Variants in ADTRP observed in about 807,000 individuals in gnomAD.
ADTRP encodes androgen dependent TFPI regulating protein.
ADTRP carries 20 observed loss-of-function variants against 27.0 expected under a neutral mutation model. The observed-to-expected ratio is 0.74, with a 90% CI of 0.52 to 1.08. The LOEUF is 1.08. Ranked by LOEUF, ADTRP falls within the 50% of genes least tolerant of loss-of-function variation. The probability of loss-of-function intolerance (pLI) is 0.00; values close to 1 mark genes in which losing one functional copy is unlikely to be tolerated. For missense variants in ADTRP, 251 were observed against 275.0 expected, an observed-to-expected ratio of 0.91 and a Z score of 0.62; for synonymous variants, 101 against 105.2, an observed-to-expected ratio of 0.96 and a Z score of 0.25.
At chr6:11,771,999 G>A (rs1054558295) in intron 1 of ADTRP, among the ~76,000 whole-genome samples, 2 of 152,152 alleles carry the variant, frequency 1.3e-5, no homozygotes, top group Non-Finnish European at 2.9e-5. Context: ...GGCAGCCCTA[G>A]GAAACTATAC....
chr6:11,736,949 C>T (rs544686585), intron 3 of ADTRP, among the ~76,000 whole-genome samples: 2 of 152,214 alleles, frequency 1.3e-5, no homozygotes, highest in Admixed American at 6.5e-5. Flanking sequence ...CCCTGCATCA[C>T]CCCCTCCTTA....
At chr6:11,725,688 C>G (rs992362486) in intron 4 of ADTRP, among the ~76,000 whole-genome samples, 13 of 151,738 alleles carry the variant, frequency 8.6e-5, no homozygotes, top group African/African-American at 2.9e-4. Flanking sequence ...GGGTACACAC[C>G]CAAAAGAACT....
intron 4 of ADTRP, among the ~76,000 whole-genome samples, chr6:11,727,111 T>G (rs1762232987): frequency 6.6e-6 from 1 of 152,192 alleles, no homozygotes; most frequent in Non-Finnish European, 1.5e-5. Flanking sequence ...CAAGCTCCGC[T>G]TCCTGGGTTC....
chr6:11,747,197 A>ACAAAATT (rs1361206098), intron 3 of ADTRP, among the ~76,000 whole-genome samples: 1 of 152,230 alleles, frequency 6.6e-6, no homozygotes, highest in East Asian at 1.9e-4. Flanking sequence ...TCCAAAGGTC[A>ACAAAATT]CAAAATTCCT....
intron 3 of ADTRP, among the ~76,000 whole-genome samples, chr6:11,742,383 A>G (rs1762747273): frequency 6.6e-6 from 1 of 152,184 alleles, no homozygotes; most frequent in Non-Finnish European, 1.5e-5. Context: ...CTTACTAAAA[A>G]AGCCCATTTA....
chr6:11,757,923 T>G (rs556833396), intron 3 of ADTRP, among the ~76,000 whole-genome samples: 1 of 152,326 alleles, frequency 6.6e-6, no homozygotes, highest in African/African-American at 2.4e-5. Context: ...GGTGCTTTAT[T>G]ATGGCAGCCT....
At chr6:11,731,099 G>A (rs770596716) in intron 4 of ADTRP, among the ~76,000 whole-genome samples, 1 of 152,202 alleles carries the variant, frequency 6.6e-6, no homozygotes, top group Non-Finnish European at 1.5e-5. Context: ...GTTGTGCAGT[G>A]CACGACAGGG....
At chr6:11,725,531 A>G (rs1163717104) in intron 4 of ADTRP, among the ~76,000 whole-genome samples, 1 of 152,224 alleles carries the variant, frequency 6.6e-6, no homozygotes, top group Non-Finnish European at 1.5e-5. Flanking sequence ...AGACAAGATA[A>G]CAAGTGTTAG....
At chr6:11,748,109 ATGCATCTCTT>A (rs1295140120) in intron 3 of ADTRP, among the ~76,000 whole-genome samples, 5 of 152,206 alleles carry the variant, frequency 3.3e-5, no homozygotes, top group African/African-American at 1.2e-4. Flanking sequence ...TTATGACTCT[ATGCATCTCTT>A]TGAACGTAAG....
chr6:11,761,132 A>G lies in ADTRP; in HGVS notation c.390+5142T>C, dbSNP rs765493856. ...GCTGCCTGAGCCTTTCTTCTGCCAG[A>G]ATGTCCTGTGGCTGTTTCCTTCACC... On this transcript the variant is annotated intron_variant, in intron 3 of 5. Coordinates refer to ENST00000414691, the MANE Select transcript of ADTRP (RefSeq NM_032744.4). Among the ~76,000 whole-genome samples the G allele has an allele frequency of 5.8e-4, 88 of 152,144 alleles. 1 individual carries two copies. Among genetic ancestry groups the G allele is most frequent in the Non-Finnish European group, 3.5e-4 (24 of 68,020 alleles).
At chr6:11,773,491 G>A (rs1266310041) in intron 1 of ADTRP, among the ~76,000 whole-genome samples, 4 of 152,194 alleles carry the variant, frequency 2.6e-5, no homozygotes, top group Non-Finnish European at 5.9e-5. Context: ...AGAGCTGTCC[G>A]GGAGTGCAGC....
At chr6:11,759,569 A>T (rs1016239534) in intron 3 of ADTRP, among the ~76,000 whole-genome samples, 1 of 152,152 alleles carries the variant, frequency 6.6e-6, no homozygotes, top group Non-Finnish European at 1.5e-5. Flanking sequence ...GTAGTGTAAG[A>T]CAGCCTTTTC....
intron 5 of ADTRP, among the ~76,000 whole-genome samples, chr6:11,716,785 G>C (rs983812378): frequency 1.2e-4 from 18 of 148,798 alleles, no homozygotes; most frequent in Admixed American, 3.4e-4. Flanking sequence ...TGTGATCTTG[G>C]CTCACTGCAA....
intron 3 of ADTRP, among the ~76,000 whole-genome samples, chr6:11,764,917 A>G (rs1033554558): frequency 3.7e-5 from 5 of 136,368 alleles, no homozygotes; most frequent in East Asian, 4.7e-4. Flanking sequence ...AAAAAAAAAA[A>G]GCAGGAATAT....
At chr6:11,715,649 T>A (rs1282505979) in intron 5 of ADTRP, among the ~76,000 whole-genome samples, 42 of 6,226 alleles carry the variant, frequency 6.7e-3, no homozygotes, top group African/African-American at 0.021. Context: ...TGTTTTTCCC[T>A]TTTTTTTTTT....
chr6:11,753,255 C>T (rs1763112017), intron 3 of ADTRP, among the ~76,000 whole-genome samples: 1 of 152,194 alleles, frequency 6.6e-6, no homozygotes. Flanking sequence ...AGTAGCTTAT[C>T]CCTTTCAACT....
Position 11,713,661 on chromosome 6 carries a change from T to C in ADTRP, c.*817A>G, listed in dbSNP as rs912589764. 2 of 152,232 alleles carry C rather than the reference T, an allele frequency of 1.3e-5. No homozygotes were observed. The highest frequency in any genetic ancestry group is 2.4e-5 in the African/African-American group (1 of 41,454). The allele number at this position is 152,232 out of a possible 1,614,324, so 9.4% of individuals were successfully genotyped here. On this transcript the variant is annotated 3_prime_UTR_variant, in exon 6 of 6. Coordinates refer to ENST00000414691, the MANE Select transcript of ADTRP (RefSeq NM_032744.4). ...CTATCACTTCCCATCCAGATTCTTC[T>C]GCAAGCAAAATTTATTACTATACCA...
At chr6:11,775,072 G>A (rs1380346855) in intron 1 of ADTRP, among the ~76,000 whole-genome samples, 3 of 152,140 alleles carry the variant, frequency 2.0e-5, no homozygotes, top group African/African-American at 2.4e-5. Context: ...GCAGTGGCTC[G>A]ACAGTGGTCC....
chr6:11,742,207 C>G (rs558766087), intron 3 of ADTRP, among the ~76,000 whole-genome samples: 3 of 151,946 alleles, frequency 2.0e-5, no homozygotes, highest in Non-Finnish European at 4.4e-5. Flanking sequence ...ATCTATACAC[C>G]TTCCCTCATC....
Sources: gnomAD v4.1 joint callset for allele counts (sites outside exome capture counted in the v4.1 genomes callset) on GRCh38, gnomAD v4.1.1 for gene constraint, MANE v1.5 for transcripts, NCBI Gene and HGNC (gene_info 2026-07-23, HGNC 2026-07-21) for gene names.